CCDC191: variants seen among roughly 807,000 people sequenced by gnomAD.
The protein encoded by CCDC191 is coiled-coil domain containing 191, also known as coiled-coil domain-containing protein 191.
In CCDC191, 99 loss-of-function variants were observed where a neutral mutation model predicts 114.0. The ratio of observed to expected loss-of-function variants is 0.87; its 90% CI spans 0.74 to 1.03. The LOEUF is 1.03. Among genes scored for constraint, CCDC191 ranks in the 50% least tolerant of loss-of-function variants. The pLI is 0.00. For missense variants in CCDC191, 973 were observed against 1,087.0 expected (o/e 0.90, Z 1.47); for synonymous variants, 351 against 376.0 (o/e 0.93, Z 0.77).
At chr3:114,005,988 T>C (rs1227793355) in intron 9 of CCDC191, 26 bp from the exon 10 acceptor site, 2 of 1,582,258 alleles carry the variant, frequency 1.3e-6, no homozygotes, top group South Asian at 2.2e-5. Context: ...ATGTTATAGC[T>C]CAACTATTTA....
chr3:114,022,611 A>G (rs886789288), intron 7 of CCDC191, among the ~76,000 whole-genome samples: 3 of 152,142 alleles, frequency 2.0e-5, no homozygotes, highest in African/African-American at 7.2e-5. Flanking sequence ...GCTACATTCT[A>G]CACCCAGGCC....
intron 16 of CCDC191, 132 bp downstream of exon 16, chr3:113,978,054 C>G: frequency 3.2e-6 from 3 of 948,762 alleles, no homozygotes; most frequent in South Asian, 1.7e-5. Context: ...AGCCGGGACT[C>G]CCACCCCTGA....
At chr3:113,986,417 G>A (rs536358049) in intron 13 of CCDC191, among the ~76,000 whole-genome samples, 3 of 152,182 alleles carry the variant, frequency 2.0e-5, no homozygotes, top group South Asian at 2.1e-4. Context: ...AAGAAATAAC[G>A]GGCAAACATA....
chr3:114,021,396 T>C (rs2076241784), intron 7 of CCDC191, among the ~76,000 whole-genome samples: 2 of 151,938 alleles, frequency 1.3e-5, no homozygotes, highest in South Asian at 4.2e-4. Flanking sequence ...TTTCTTGAAA[T>C]TGACTTGCTA....
At chr3:114,002,592 A>G in intron 11 of CCDC191, 54 bp from the exon 12 acceptor site, 1 of 1,423,658 alleles carries the variant, frequency 7.0e-7, no homozygotes, top group Non-Finnish European at 9.6e-7. Flanking sequence ...AATATGAGGA[A>G]TACTGCAAGA....
At chr3:114,031,458 C>T (rs1344925841) in intron 7 of CCDC191, among the ~76,000 whole-genome samples, 168 bp downstream of exon 7, 1 of 152,228 alleles carries the variant, frequency 6.6e-6, no homozygotes, top group Non-Finnish European at 1.5e-5. Flanking sequence ...GATTTGTGTA[C>T]TGCCCTGCAT....
chr3:114,008,033 AATTACTATATATAT>A (rs1214258132), intron 9 of CCDC191, among the ~76,000 whole-genome samples: 7 of 147,034 alleles, frequency 4.8e-5, no homozygotes, highest in East Asian at 1.9e-4. Context: ...AATATATATA[AATTACTATATATAT>A]ATTACTATAT....
intron 7 of CCDC191, among the ~76,000 whole-genome samples, chr3:114,024,723 A>C (rs928259680): frequency 1.3e-5 from 2 of 152,198 alleles, no homozygotes; most frequent in African/African-American, 4.8e-5. Flanking sequence ...GGGAGGAGGG[A>C]TAGCATTAGG....
At chr3:113,967,393 A>C (rs984455611) in intron 16 of CCDC191, among the ~76,000 whole-genome samples, 4 of 151,876 alleles carry the variant, frequency 2.6e-5, no homozygotes, top group African/African-American at 9.7e-5. Context: ...TTCTTTCCCT[A>C]CATTTCTCTT....
chr3:113,985,428 T>A (rs1055789089), intron 13 of CCDC191, among the ~76,000 whole-genome samples: 3 of 152,050 alleles, frequency 2.0e-5, no homozygotes, highest in African/African-American at 7.2e-5. Flanking sequence ...AGAGGGAAGG[T>A]CTTTAAGGTC....
At chr3:114,000,273 G>A (rs1284029547) in intron 13 of CCDC191, among the ~76,000 whole-genome samples, 1 of 150,886 alleles carries the variant, frequency 6.6e-6, no homozygotes, top group African/African-American at 2.4e-5. Context: ...AAAAGGAGGA[G>A]GAAGGAAGAA....
intron 13 of CCDC191, among the ~76,000 whole-genome samples, chr3:113,985,267 TCTTC>T (rs2075311443): frequency 6.6e-6 from 1 of 152,148 alleles, no homozygotes; most frequent in Non-Finnish European, 1.5e-5. Context: ...CCCAGAGCAT[TCTTC>T]CTTAGGAAAC....
chr3:114,053,348 A>G (rs368169124), intron 2 of CCDC191, among the ~76,000 whole-genome samples: 1 of 152,048 alleles, frequency 6.6e-6, no homozygotes, highest in African/African-American at 2.4e-5. Context: ...TCTTCATGTG[A>G]TACTCATGGC....
chr3:114,004,239 A>G, intron 11 of CCDC191: 3 of 986,006 alleles, frequency 3.0e-6, no homozygotes, highest in Non-Finnish European at 3.6e-6. Flanking sequence ...ATTACTGTAA[A>G]CTGATCAAAT....
chr3:114,054,704 C>A (rs544413669), intron 1 of CCDC191, among the ~76,000 whole-genome samples: 1 of 152,112 alleles, frequency 6.6e-6, no homozygotes, highest in East Asian at 1.9e-4. Flanking sequence ...GTTAATCAAT[C>A]TGACTTTTAC....
Position 113,996,069 on chromosome 3 carries a change from T to C in CCDC191, c.2163+5526A>G, listed in dbSNP as rs1003147855. Among the ~76,000 whole-genome samples, 8 of 152,180 alleles carry C rather than the reference T, an allele frequency of 5.3e-5. No individual in the cohort carries two copies. The East Asian group carries it at 1.3e-3, about 26-fold the overall frequency. On this transcript the variant is annotated intron_variant, in intron 13 of 16. Transcript: ENST00000295878. Reference sequence around the variant, plus strand: ...ATTGCAAAAATTTTCTCCCTTTCTGTAGGTTCCTATTCACTTTTATGATAG... The same window carrying C: ...ATTGCAAAAATTTTCTCCCTTTCTGCAGGTTCCTATTCACTTTTATGATAG...
At chr3:113,975,161 G>T (rs1941211872) in intron 16 of CCDC191, among the ~76,000 whole-genome samples, 1 of 152,034 alleles carries the variant, frequency 6.6e-6, no homozygotes, top group South Asian at 2.1e-4. Flanking sequence ...AAGAACTATG[G>T]TAGCAAGACA....
chr3:113,992,651 A>G (rs575569175), intron 13 of CCDC191, among the ~76,000 whole-genome samples: 1 of 152,328 alleles, frequency 6.6e-6, no homozygotes, highest in South Asian at 2.1e-4. Context: ...TGGGTGCAGC[A>G]TACCAACATG....
intron 7 of CCDC191, among the ~76,000 whole-genome samples, chr3:114,024,950 A>G (rs1230943095): frequency 6.6e-6 from 1 of 152,196 alleles, no homozygotes; most frequent in Admixed American, 6.5e-5. Context: ...GACCAATCCT[A>G]TTCCTGATTT....
Sources: allele counts gnomAD v4.1 joint callset (sites outside exome capture counted in the v4.1 genomes callset), GRCh38; gene constraint gnomAD v4.1.1; transcripts MANE v1.5; gene names NCBI Gene and HGNC (gene_info 2026-07-23, HGNC 2026-07-21).